NRG3: variants seen among roughly 807,000 people sequenced by gnomAD.
The protein encoded by NRG3 is neuregulin 3.
Under a neutral mutation model 66.9 loss-of-function variants are expected in NRG3, and 31 were observed. That is an observed-to-expected ratio of 0.46 (90% CI 0.35 to 0.63). The LOEUF is 0.63. NRG3 is among the 20% of genes least tolerant of loss of function. The pLI, the probability that NRG3 is intolerant of heterozygous loss-of-function variation, is 0.00. For missense variants in NRG3, 910 were observed against 878.9 expected (o/e 1.04, Z -0.45); for synonymous variants, 393 against 359.4 (o/e 1.09, Z -1.06).
intron 1 of NRG3, among the ~76,000 whole-genome samples, chr10:81,990,058 CAA>C (rs2060680760): frequency 6.6e-6 from 1 of 152,034 alleles, no homozygotes; most frequent in African/African-American, 2.4e-5. Context: ...GCAAAATATG[CAA>C]AGAGGAATGT....
intron 4 of NRG3, among the ~76,000 whole-genome samples, chr10:82,924,396 C>A (rs763604265): frequency 6.6e-6 from 1 of 152,054 alleles, no homozygotes; most frequent in Non-Finnish European, 1.5e-5. Flanking sequence ...AAGCCATGAT[C>A]AGAATTGGCT....
In NRG3 at chr10:82,660,196, C is replaced by CAAAA. The variant is rs58870828; in HGVS notation, c.954-78345_954-78342dup. Reference sequence around the variant, plus strand: ...GGGCGACAAGAGCAAAACTCCCTCTCAAAAAAAAAAAAAAAAAAAAAAAAA... The same window carrying CAAAA: ...GGGCGACAAGAGCAAAACTCCCTCTCAAAAAAAAAAAAAAAAAAAAAAAAAAAAA... On this transcript the variant is annotated intron_variant, in intron 2 of 8. Transcript: ENST00000372141. 1.3e-3 allele frequency among the ~76,000 whole-genome samples: 26 copies of CAAAA among 19,560 alleles called. 1 individual carries two copies. The highest frequency in any genetic ancestry group is 2.0e-3 in the Non-Finnish European group (21 of 10,362). 12.8% of individuals were successfully genotyped at this position (19,560 alleles called of 152,430 possible).
intron 2 of NRG3, among the ~76,000 whole-genome samples, chr10:82,494,411 A>G (rs752617004): frequency 3.3e-5 from 5 of 152,178 alleles, no homozygotes; most frequent in Non-Finnish European, 7.4e-5. Flanking sequence ...TTGAAATAAT[A>G]GGACGTGTGA....
intron 3 of NRG3, among the ~76,000 whole-genome samples, chr10:82,785,915 A>G (rs541666427): frequency 6.6e-6 from 1 of 152,182 alleles, no homozygotes; most frequent in Non-Finnish European, 1.5e-5. Context: ...TGTCAAGACA[A>G]TGGGAGAATG....
intron 1 of NRG3, among the ~76,000 whole-genome samples, chr10:82,202,453 G>T (rs534145126): frequency 6.6e-6 from 1 of 152,294 alleles, no homozygotes; most frequent in Non-Finnish European, 1.5e-5. Flanking sequence ...CAAAGCGTGC[G>T]TAAGAGTCGT....
At chr10:82,967,535 T>A (rs12415274) in intron 6 of NRG3, among the ~76,000 whole-genome samples, 41,258 of 152,022 alleles carry the variant, frequency 0.27, 5,803 homozygotes, top group Middle Eastern at 0.37. Flanking sequence ...GGCTAGGCGG[T>A]GCATTTGGGC....
chr10:81,956,298 A>G (rs1014192979), intron 1 of NRG3, among the ~76,000 whole-genome samples: 2 of 152,166 alleles, frequency 1.3e-5, no homozygotes, highest in Non-Finnish European at 2.9e-5. Context: ...ACTCGCCAAC[A>G]TGGAGGAACC....
intron 2 of NRG3, among the ~76,000 whole-genome samples, chr10:82,576,217 G>T (rs1273035665): frequency 1.3e-5 from 2 of 151,292 alleles, no homozygotes; most frequent in Admixed American, 6.6e-5. Context: ...TCTTTTGCTG[G>T]ATGTTTTTAT....
chr10:82,538,308 A>G (rs994324518), intron 2 of NRG3, among the ~76,000 whole-genome samples: 1 of 152,186 alleles, frequency 6.6e-6, no homozygotes, highest in African/African-American at 2.4e-5. Context: ...CCTTTACAAC[A>G]TTCTGCCTAT....
At chr10:82,795,814 G>A (rs962214660) in intron 3 of NRG3, among the ~76,000 whole-genome samples, 1 of 152,066 alleles carries the variant, frequency 6.6e-6, no homozygotes, top group African/African-American at 2.4e-5. Flanking sequence ...GGATCTATCT[G>A]CTTTCTTAAA....
chr10:82,405,097 G>A (rs1041475145), intron 2 of NRG3, among the ~76,000 whole-genome samples: 1 of 152,124 alleles, frequency 6.6e-6, no homozygotes, highest in African/African-American at 2.4e-5. Flanking sequence ...AAATTGGGAT[G>A]GTGTGTGGTT....
At chr10:82,840,413 C>G (rs2063000596) in intron 3 of NRG3, among the ~76,000 whole-genome samples, 1 of 144,920 alleles carries the variant, frequency 6.9e-6, no homozygotes, top group East Asian at 2.0e-4. Flanking sequence ...TCAACATACA[C>G]ATTTTTTTTT....
chr10:82,099,257 T>A (rs1340108578), intron 1 of NRG3, among the ~76,000 whole-genome samples: 1 of 152,220 alleles, frequency 6.6e-6, no homozygotes, highest in African/African-American at 2.4e-5. Flanking sequence ...AAATTTTGAG[T>A]TAATATTTTT....
At chr10:82,748,046 T>C (rs1480769076) in intron 3 of NRG3, among the ~76,000 whole-genome samples, 2 of 151,102 alleles carry the variant, frequency 1.3e-5, no homozygotes, top group Non-Finnish European at 3.0e-5. Context: ...TTTATAAATA[T>C]AAATTAATTA....
At chr10:82,872,068 A>G (rs1260576510) in intron 4 of NRG3, among the ~76,000 whole-genome samples, 2 of 152,140 alleles carry the variant, frequency 1.3e-5, no homozygotes. Flanking sequence ...TTCTTCATCA[A>G]GTTGAGAAAG....
intron 4 of NRG3, among the ~76,000 whole-genome samples, chr10:82,949,661 T>C (rs1347631715): frequency 2.0e-5 from 3 of 151,896 alleles, no homozygotes; most frequent in African/African-American, 7.3e-5. Context: ...TCGAGACCAG[T>C]CTGGCCAACA....
intron 4 of NRG3, among the ~76,000 whole-genome samples, chr10:82,935,800 A>T (rs953186484): frequency 6.6e-6 from 1 of 151,252 alleles, no homozygotes; most frequent in African/African-American, 2.4e-5. Context: ...ATTTTTTTTT[A>T]TTTTTAATAG....
chr10:82,261,415 C>T (rs1167744551), intron 1 of NRG3, among the ~76,000 whole-genome samples: 1 of 152,108 alleles, frequency 6.6e-6, no homozygotes, highest in Non-Finnish European at 1.5e-5. Context: ...ATAAATTACC[C>T]AGTGTTGGGT....
chr10:82,371,589 G>A (rs145896935), intron 2 of NRG3, among the ~76,000 whole-genome samples: 262 of 152,246 alleles, frequency 1.7e-3, no homozygotes, highest in African/African-American at 5.8e-3. Context: ...TTCTGTGATA[G>A]ATATGAGCTA....
Sources: allele counts gnomAD v4.1 joint callset (sites outside exome capture counted in the v4.1 genomes callset), GRCh38; gene constraint gnomAD v4.1.1; transcripts MANE v1.5; gene names NCBI Gene and HGNC (gene_info 2026-07-23, HGNC 2026-07-21).